Variants in FBXL13 observed in about 807,000 individuals in gnomAD.
FBXL13 encodes F-box and leucine rich repeat protein 13.
FBXL13 carries 67 observed loss-of-function variants against 83.6 expected under a neutral mutation model. The ratio of observed to expected loss-of-function variants is 0.80; its 90% CI spans 0.66 to 0.98. The LOEUF (loss-of-function observed/expected upper bound fraction) is 0.98. Among genes scored for constraint, FBXL13 ranks in the 50% least tolerant of loss-of-function variants. The probability of loss-of-function intolerance (pLI) is 0.00; values close to 1 mark genes in which losing one functional copy is unlikely to be tolerated. For missense variants in FBXL13, 822 were observed against 866.5 expected (o/e 0.95, Z 0.64); for synonymous variants, 272 against 299.5 (o/e 0.91, Z 0.95).
chr7:103,018,473 A>G (rs1483104658), intron 6 of FBXL13, among the ~76,000 whole-genome samples: 1 of 152,168 alleles, frequency 6.6e-6, no homozygotes, highest in African/African-American at 2.4e-5. Context: ...CACACATAAC[A>G]TATTAACCTT....
At chr7:102,866,437 T>C (rs1584696953) in intron 16 of FBXL13, among the ~76,000 whole-genome samples, 1 of 151,950 alleles carries the variant, frequency 6.6e-6, no homozygotes, top group East Asian at 1.9e-4. Flanking sequence ...CTAGGAGAGG[T>C]CCAGCTCCAT....
chr7:102,999,429 T>C (rs559606535), intron 6 of FBXL13, among the ~76,000 whole-genome samples: 6 of 152,332 alleles, frequency 3.9e-5, no homozygotes, highest in African/African-American at 1.2e-4. Context: ...GCTGGCCTCA[T>C]AGAACAAGTT....
intron 6 of FBXL13, among the ~76,000 whole-genome samples, chr7:102,992,407 C>T (rs1829669786): frequency 6.6e-6 from 1 of 152,182 alleles, no homozygotes; most frequent in African/African-American, 2.4e-5. Context: ...ACAGCTGTCA[C>T]ACAGCTAGTG....
exon 16 of FBXL13, chr7:102,877,577 A>C (rs757538485): frequency 6.2e-7 from 1 of 1,608,370 alleles, no homozygotes; most frequent in Admixed American, 1.7e-5. Context: ...AAACTCAAGT[A>C]GTTTAAATTA....
At chr7:102,831,431 A>ACACACACACACACACACCCC (rs1033135095) in intron 18 of FBXL13, among the ~76,000 whole-genome samples, 1 of 147,126 alleles carries the variant, frequency 6.8e-6, no homozygotes, top group African/African-American at 2.5e-5. Flanking sequence ...ACACACACAC[A>ACACACACACACACACACCCC]CCCCACTACA....
intron 6 of FBXL13, chr7:102,978,701 G>T: frequency 4.7e-6 from 1 of 213,394 alleles, no homozygotes; most frequent in East Asian, 1.1e-4. Context: ...CACACTCTCG[G>T]GGTTTGAACT....
chr7:103,029,109 T>C (rs1041017528), intron 3 of FBXL13, among the ~76,000 whole-genome samples: 13 of 152,166 alleles, frequency 8.5e-5, no homozygotes, highest in Non-Finnish European at 1.8e-4. Context: ...TGAAACTAAC[T>C]ATATTTTAAT....
chr7:102,949,560 TAA>T (rs1823083912), intron 8 of FBXL13, among the ~76,000 whole-genome samples: 1 of 152,042 alleles, frequency 6.6e-6, no homozygotes, highest in Non-Finnish European at 1.5e-5. Context: ...TTCAGTAAAT[TAA>T]AAATATTACC....
intron 6 of FBXL13, among the ~76,000 whole-genome samples, chr7:103,017,698 T>C (rs567014157): frequency 6.6e-6 from 1 of 152,254 alleles, no homozygotes; most frequent in South Asian, 2.1e-4. Flanking sequence ...AGTAGCTGAT[T>C]CCATCAAGTG....
At chr7:103,055,164 G>A (rs1285310535) in intron 2 of FBXL13, 23 of 1,287,272 alleles carry the variant, frequency 1.8e-5, no homozygotes, top group Admixed American at 2.3e-5. Flanking sequence ...CATTGATGGA[G>A]TAATGCACAT....
intron 18 of FBXL13, among the ~76,000 whole-genome samples, chr7:102,829,873 G>T (rs527303852): frequency 2.0e-5 from 3 of 152,196 alleles, no homozygotes; most frequent in African/African-American, 7.2e-5. Flanking sequence ...ATGTTAGGTT[G>T]GACCACAGCC....
intron 10 of FBXL13, among the ~76,000 whole-genome samples, chr7:102,920,959 C>A (rs1584943816): frequency 6.6e-6 from 1 of 152,010 alleles, no homozygotes; most frequent in Non-Finnish European, 1.5e-5. Flanking sequence ...CGAGACCGGC[C>A]TGGCCAACAT....
chr7:102,934,070 C>T lies in FBXL13; in HGVS notation c.725-2137G>A, dbSNP rs765470260. ...GGTCAAACGCTACGCACCAGGCCTC[C>T]CGTGTGACGTGTACACATATCTCCA... is the stretch of plus-strand genomic sequence containing the variant. On this transcript the variant is annotated intron_variant, in intron 8 of 19. Coordinates refer to ENST00000313221, the Ensembl canonical transcript of FBXL13. The T allele has an allele frequency of 3.7e-6, 6 of 1,614,170 alleles. No individual in the cohort carries two copies. The East Asian group carries it at 1.1e-4, about 30-fold the overall frequency.
chr7:102,957,430 C>T (rs1237791093), intron 8 of FBXL13, among the ~76,000 whole-genome samples: 1 of 152,126 alleles, frequency 6.6e-6, no homozygotes, highest in Non-Finnish European at 1.5e-5. Context: ...ACCATAAAAA[C>T]CCTAGAAGAA....
intron 17 of FBXL13, among the ~76,000 whole-genome samples, chr7:102,834,078 AAGGAAAGAAAAG>A (rs1479462326): frequency 4.4e-5 from 5 of 112,752 alleles, no homozygotes; most frequent in Non-Finnish European, 8.4e-5. Context: ...GGAAGGAAGG[AAGGAAAGAAAAG>A]AAAGAAAGAA....
At chr7:103,056,922 G>A (rs1256606782) in intron 1 of FBXL13, among the ~76,000 whole-genome samples, 2 of 152,010 alleles carry the variant, frequency 1.3e-5, no homozygotes, top group East Asian at 1.9e-4. Flanking sequence ...GTGATGTTGA[G>A]CATTTTTTCA....
intron 1 of FBXL13, among the ~76,000 whole-genome samples, chr7:103,059,714 C>G (rs1482474435): frequency 6.6e-6 from 1 of 152,004 alleles, no homozygotes; most frequent in Non-Finnish European, 1.5e-5. Flanking sequence ...CTCATCTATT[C>G]TGAAGGATGT....
At chr7:102,890,853 CA>C (rs1584800048) in intron 11 of FBXL13, among the ~76,000 whole-genome samples, 1 of 152,168 alleles carries the variant, frequency 6.6e-6, no homozygotes, top group Non-Finnish European at 1.5e-5. Context: ...AGACATGGCC[CA>C]TGCTGTGTTT....
intron 1 of FBXL13, among the ~76,000 whole-genome samples, chr7:103,070,214 A>C (rs572629657): frequency 3.3e-5 from 5 of 152,190 alleles, no homozygotes; most frequent in African/African-American, 1.2e-4. Flanking sequence ...ACAATGATTT[A>C]ATTTTATGTA....
Sources: gnomAD v4.1 joint callset for allele counts (sites outside exome capture counted in the v4.1 genomes callset) on GRCh38, gnomAD v4.1.1 for gene constraint, MANE v1.5 for transcripts, NCBI Gene and HGNC (gene_info 2026-07-23, HGNC 2026-07-21) for gene names.